CNTNAP4: variants seen among roughly 807,000 people sequenced by gnomAD.
CNTNAP4 encodes contactin-associated protein-like 4.
In CNTNAP4, 98 loss-of-function variants were observed where a neutral mutation model predicts 148.4. The observed-to-expected ratio is 0.66, with a 90% CI of 0.56 to 0.78. The LOEUF (loss-of-function observed/expected upper bound fraction) is 0.78. Among genes scored for constraint, CNTNAP4 ranks in the 30% least tolerant of loss-of-function variants. The probability of loss-of-function intolerance (pLI) is 0.00; values close to 1 mark genes in which losing one functional copy is unlikely to be tolerated. For synonymous variants in CNTNAP4, 730 were observed against 565.1 expected, an observed-to-expected ratio of 1.29 and a Z score of -4.14; for missense variants, 1,935 against 1,565.6, an observed-to-expected ratio of 1.24 and a Z score of -3.98.
At position 76,358,022 on chromosome 16, in the gene CNTNAP4, A is replaced by T. The variant is rs532475669; in HGVS notation, c.390+2511A>T. On this transcript the variant is annotated intron_variant, in intron 3 of 23. Coordinates refer to ENST00000611870, the MANE Select transcript of CNTNAP4 (RefSeq NM_033401.5). ...ATCTTTGTCCAAATTTCTGGAAGGT[A>T]TCAAAAGTTTATGTTAACTCACTGA... Among the ~76,000 whole-genome samples, 23 of 152,242 alleles carry T rather than the reference A, an allele frequency of 1.5e-4. No homozygotes were observed. In the East Asian group the frequency reaches 4.4e-3, roughly 29 times the overall value.
chr16:76,555,403 T>A (rs1197496872), intron 23 of CNTNAP4, among the ~76,000 whole-genome samples: 1 of 152,206 alleles, frequency 6.6e-6, no homozygotes, highest in Non-Finnish European at 1.5e-5. Context: ...AGTTAATAAT[T>A]GTATGTCTAA....
intron 1 of CNTNAP4, among the ~76,000 whole-genome samples, chr16:76,306,691 C>T (rs1465698280): frequency 2.6e-5 from 4 of 152,090 alleles, no homozygotes; most frequent in Admixed American, 6.6e-5. Context: ...GACTAATTTT[C>T]GAGGTGGTGC....
intron 1 of CNTNAP4, among the ~76,000 whole-genome samples, chr16:76,291,848 T>C (rs1289712833): frequency 6.6e-6 from 1 of 152,238 alleles, no homozygotes; most frequent in African/African-American, 2.4e-5. Context: ...ATGCTTGCCA[T>C]ACATTATTTC....
intron 9 of CNTNAP4, among the ~76,000 whole-genome samples, chr16:76,465,432 T>C (rs1042041842): frequency 6.6e-6 from 1 of 152,188 alleles, no homozygotes; most frequent in Non-Finnish European, 1.5e-5. Context: ...TAGTATGCTT[T>C]CTGTAAAATT....
intron 2 of CNTNAP4, among the ~76,000 whole-genome samples, chr16:76,352,961 C>G (rs572735675): frequency 7.8e-4 from 119 of 152,246 alleles, no homozygotes; most frequent in Non-Finnish European, 1.5e-3. Flanking sequence ...CACCAAGGGA[C>G]CATGTCTATG....
At chr16:76,370,613 G>A (rs535358002) in intron 3 of CNTNAP4, among the ~76,000 whole-genome samples, 1 of 152,170 alleles carries the variant, frequency 6.6e-6, no homozygotes, top group Non-Finnish European at 1.5e-5. Context: ...TAATGTTTTG[G>A]GTCAGAGCAG....
At chr16:76,388,025 A>C (rs755716844) in intron 3 of CNTNAP4, among the ~76,000 whole-genome samples, 1 of 152,212 alleles carries the variant, frequency 6.6e-6, no homozygotes, top group South Asian at 2.1e-4. Flanking sequence ...GGTGCTTGCC[A>C]GTCTATTTTG....
rs562880441 is a variant in CNTNAP4, at chr16:76,304,380, C to A, written c.86-12033C>A. ...TCTCAGCAAGCAGAGACCCAGACCA[C>A]CACAGAAGTGCCATAATAGAAGCCT... is the stretch of plus-strand genomic sequence containing the variant. On this transcript the variant is annotated intron_variant, in intron 1 of 23. Transcript: ENST00000611870. Among the ~76,000 whole-genome samples, 126 of 152,172 alleles carry A rather than the reference C, an allele frequency of 8.3e-4. 3 individuals carry two copies. The South Asian group carries it at 0.023, about 28-fold the overall frequency.
At chr16:76,536,728 CATT>C (rs935249851) in intron 18 of CNTNAP4, among the ~76,000 whole-genome samples, 3 of 152,112 alleles carry the variant, frequency 2.0e-5, no homozygotes, top group Admixed American at 6.5e-5. Context: ...CAGCTTCTCT[CATT>C]ATCTGATATG....
At chr16:76,418,480 G>C (rs1386914705) in intron 3 of CNTNAP4, among the ~76,000 whole-genome samples, 1 of 150,724 alleles carries the variant, frequency 6.6e-6, no homozygotes, top group Non-Finnish European at 1.5e-5. Context: ...TGAATCTGTT[G>C]TTGGGCCCAT....
At chr16:76,553,719 A>G in intron 22 of CNTNAP4, 117 bp from the exon 23 acceptor site, 1 of 688,270 alleles carries the variant, frequency 1.5e-6, no homozygotes, top group Non-Finnish European at 2.5e-6. Flanking sequence ...TGAAAATAAC[A>G]GAGATCCCAC....
At chr16:76,398,769 A>G (rs1024461713) in intron 3 of CNTNAP4, among the ~76,000 whole-genome samples, 1 of 152,020 alleles carries the variant, frequency 6.6e-6, no homozygotes, top group Non-Finnish European at 1.5e-5. Flanking sequence ...AAAGCGATAT[A>G]TTTTTTATCT....
At chr16:76,438,711 A>G (rs1323304895) in intron 4 of CNTNAP4, among the ~76,000 whole-genome samples, 1 of 151,988 alleles carries the variant, frequency 6.6e-6, no homozygotes, top group Admixed American at 6.6e-5. Flanking sequence ...AACAGGCCTC[A>G]TCCCTCCCAT....
intron 3 of CNTNAP4, among the ~76,000 whole-genome samples, chr16:76,362,800 C>T (rs150901193): frequency 6.6e-6 from 1 of 152,172 alleles, no homozygotes; most frequent in Non-Finnish European, 1.5e-5. Context: ...CTGTGAGGTA[C>T]TATGCTTATT....
chr16:76,530,263 A>G (rs2083920303), intron 17 of CNTNAP4, among the ~76,000 whole-genome samples: 1 of 152,252 alleles, frequency 6.6e-6, no homozygotes, highest in South Asian at 2.1e-4. Context: ...TGGGAAGAGA[A>G]TATCAAGCAG....
chr16:76,404,544 T>C (rs964683569), intron 3 of CNTNAP4, among the ~76,000 whole-genome samples: 1 of 152,122 alleles, frequency 6.6e-6, no homozygotes, highest in Non-Finnish European at 1.5e-5. Context: ...CAACTTAAAG[T>C]AGGGCTAACC....
intron 1 of CNTNAP4, among the ~76,000 whole-genome samples, chr16:76,286,215 G>T (rs1345244512): frequency 6.8e-6 from 1 of 148,148 alleles, no homozygotes; most frequent in African/African-American, 2.5e-5. Context: ...GTGTGTGTGT[G>T]TGTGAAGATA....
chr16:76,401,614 C>G (rs1017264763), intron 3 of CNTNAP4, among the ~76,000 whole-genome samples: 1 of 152,120 alleles, frequency 6.6e-6, no homozygotes. Context: ...GCATCCTTGT[C>G]TTGTGGTGGT....
chr16:76,298,938 G>A (rs1396657469), intron 1 of CNTNAP4, among the ~76,000 whole-genome samples: 1 of 152,100 alleles, frequency 6.6e-6, no homozygotes, highest in Non-Finnish European at 1.5e-5. Context: ...GTGACTTGAT[G>A]TTCTCTAGAA....
Sources: allele counts gnomAD v4.1 joint callset (sites outside exome capture counted in the v4.1 genomes callset), GRCh38; gene constraint gnomAD v4.1.1; transcripts MANE v1.5; gene names NCBI Gene and HGNC (gene_info 2026-07-23, HGNC 2026-07-21).